PLCXD3: variants seen among roughly 807,000 people sequenced by gnomAD.
The protein encoded by PLCXD3 is phosphatidylinositol specific phospholipase C X domain containing 3.
PLCXD3 carries 19 observed loss-of-function variants against 25.5 expected under a neutral mutation model. That is an observed-to-expected ratio of 0.75 (90% CI 0.52 to 1.09). PLCXD3 has a LOEUF of 1.09. Ranked by LOEUF, PLCXD3 falls within the 50% of genes least tolerant of loss-of-function variation. The probability of loss-of-function intolerance (pLI) is 0.00; values close to 1 mark genes in which losing one functional copy is unlikely to be tolerated. For missense variants in PLCXD3, 411 were observed against 388.1 expected (o/e 1.06, Z -0.50); for synonymous variants, 174 against 137.6 (o/e 1.26, Z -1.85).
At chr5:41,503,052 G>A (rs1490803412) in intron 1 of PLCXD3, among the ~76,000 whole-genome samples, 1 of 152,128 alleles carries the variant, frequency 6.6e-6, no homozygotes, top group Non-Finnish European at 1.5e-5. Context: ...CTCTAAGGCA[G>A]CTATGGTTAT....
At chr5:41,491,583 G>A (rs1482512289) in intron 1 of PLCXD3, among the ~76,000 whole-genome samples, 1 of 152,072 alleles carries the variant, frequency 6.6e-6, no homozygotes, top group East Asian at 1.9e-4. Flanking sequence ...CTCTTTGTAG[G>A]TCTGTAAGGA....
chr5:41,436,151 T>C lies in PLCXD3; in HGVS notation c.104-53617A>G, dbSNP rs1016972306. Among the ~76,000 whole-genome samples, 4 of 152,212 alleles carry C rather than the reference T, an allele frequency of 2.6e-5. No individual in the cohort carries two copies. In the East Asian group the frequency reaches 7.7e-4, roughly 29 times the overall value. ...GGGTTAGGCATCCATTCTGACTAAA[T>C]GTCTGATGCAGAGTTGAATATTACA... is the stretch of plus-strand genomic sequence containing the variant. On this transcript the variant is annotated intron_variant, in intron 1 of 2. Coordinates refer to ENST00000377801, the MANE Select transcript of PLCXD3 (RefSeq NM_001005473.3).
chr5:41,317,376 C>T (rs903789612), intron 2 of PLCXD3, among the ~76,000 whole-genome samples: 7 of 152,120 alleles, frequency 4.6e-5, no homozygotes, highest in Non-Finnish European at 8.8e-5. Flanking sequence ...TCCAGAAGGC[C>T]TCCCTGAGAA....
chr5:41,426,300 T>A (rs761338603), intron 1 of PLCXD3, among the ~76,000 whole-genome samples: 37 of 150,480 alleles, frequency 2.5e-4, no homozygotes, highest in Non-Finnish European at 3.7e-4. Context: ...AATAGAGTTG[T>A]TTCTTAATTG....
intron 2 of PLCXD3, among the ~76,000 whole-genome samples, chr5:41,349,132 G>A (rs939831320): frequency 6.6e-6 from 1 of 152,136 alleles, no homozygotes; most frequent in Admixed American, 6.5e-5. Context: ...TACAAGTTCT[G>A]CACATGCAAT....
At chr5:41,432,872 C>A (rs1019515506) in intron 1 of PLCXD3, among the ~76,000 whole-genome samples, 1 of 152,160 alleles carries the variant, frequency 6.6e-6, no homozygotes, top group Non-Finnish European at 1.5e-5. Context: ...ACTGATGGAC[C>A]TTTTCTTTTC....
intron 2 of PLCXD3, among the ~76,000 whole-genome samples, chr5:41,378,350 T>C (rs75205835): frequency 1.3e-5 from 2 of 152,254 alleles, no homozygotes; most frequent in East Asian, 3.9e-4. Context: ...CTTCTGAGGC[T>C]AAACTCCACT....
intron 1 of PLCXD3, among the ~76,000 whole-genome samples, chr5:41,390,237 A>G (rs1030323887): frequency 1.3e-5 from 2 of 152,042 alleles, no homozygotes; most frequent in African/African-American, 4.8e-5. Context: ...CATCATTTGC[A>G]TACATCACAA....
intron 1 of PLCXD3, among the ~76,000 whole-genome samples, chr5:41,462,401 A>C (rs938603349): frequency 6.6e-6 from 1 of 152,028 alleles, no homozygotes; most frequent in Non-Finnish European, 1.5e-5. Flanking sequence ...GTATGTTGGC[A>C]TTTGGGTAGT....
chr5:41,447,452 A>G (rs1445057036), intron 1 of PLCXD3, among the ~76,000 whole-genome samples: 3 of 152,250 alleles, frequency 2.0e-5, no homozygotes, highest in Non-Finnish European at 4.4e-5. Context: ...TGGGATTAAA[A>G]GAGAGAAGGA....
At chr5:41,386,187 A>T (rs1745628800) in intron 1 of PLCXD3, among the ~76,000 whole-genome samples, 1 of 152,128 alleles carries the variant, frequency 6.6e-6, no homozygotes, top group African/African-American at 2.4e-5. Flanking sequence ...AACTATGGTT[A>T]TGTTATATGC....
At chr5:41,340,758 C>T (rs1433363395) in intron 2 of PLCXD3, among the ~76,000 whole-genome samples, 1 of 152,144 alleles carries the variant, frequency 6.6e-6, no homozygotes, top group African/African-American at 2.4e-5. Flanking sequence ...CTTAAAGTTG[C>T]AGTCGGCAGG....
At chr5:41,363,487 A>T (rs1220822386) in intron 2 of PLCXD3, among the ~76,000 whole-genome samples, 2 of 152,246 alleles carry the variant, frequency 1.3e-5, no homozygotes, top group African/African-American at 2.4e-5. Context: ...CCCAATACTT[A>T]TAAGCTGAAG....
chr5:41,408,559 CT>C (rs1005534982), intron 1 of PLCXD3, among the ~76,000 whole-genome samples: 2 of 151,978 alleles, frequency 1.3e-5, no homozygotes, highest in Admixed American at 6.6e-5. Context: ...CTGAACTAAA[CT>C]TTTTTTTAAA....
intron 2 of PLCXD3, among the ~76,000 whole-genome samples, chr5:41,350,354 T>G (rs1286201949): frequency 6.6e-6 from 1 of 152,202 alleles, no homozygotes; most frequent in African/African-American, 2.4e-5. Flanking sequence ...TCATCTTCTC[T>G]CTGATTCTTT....
At chr5:41,317,403 G>T (rs1337461044) in intron 2 of PLCXD3, among the ~76,000 whole-genome samples, 1 of 152,060 alleles carries the variant, frequency 6.6e-6, no homozygotes, top group Non-Finnish European at 1.5e-5. Flanking sequence ...CTACAAATAA[G>T]CTCAGACAGC....
chr5:41,497,900 A>C (rs1460223137), intron 1 of PLCXD3, among the ~76,000 whole-genome samples: 1 of 151,848 alleles, frequency 6.6e-6, no homozygotes, highest in African/African-American at 2.4e-5. Context: ...AAAGCTGGAA[A>C]ACTCACAAAT....
intron 1 of PLCXD3, among the ~76,000 whole-genome samples, chr5:41,479,733 G>A (rs908569103): frequency 9.2e-5 from 14 of 151,908 alleles, no homozygotes; most frequent in African/African-American, 2.7e-4. Context: ...GAGAGAAAGA[G>A]AGAGAGAGAG....
At chr5:41,399,228 A>T (rs1366884657) in intron 1 of PLCXD3, among the ~76,000 whole-genome samples, 1 of 152,228 alleles carries the variant, frequency 6.6e-6, no homozygotes, top group Non-Finnish European at 1.5e-5. Context: ...TTCCATGCTC[A>T]TTGATTGGAA....
Sources: allele counts gnomAD v4.1 joint callset (sites outside exome capture counted in the v4.1 genomes callset), GRCh38; gene constraint gnomAD v4.1.1; transcripts MANE v1.5; gene names NCBI Gene and HGNC (gene_info 2026-07-23, HGNC 2026-07-21).